CLYBL: variants seen among roughly 807,000 people sequenced by gnomAD.
CLYBL encodes the protein citramalyl-CoA lyase, also known as citramalyl-CoA lyase, mitochondrial.
In CLYBL, 31 loss-of-function variants were observed where a neutral mutation model predicts 38.9. That is an observed-to-expected ratio of 0.80 (90% CI 0.60 to 1.08). The LOEUF (loss-of-function observed/expected upper bound fraction) is 1.08, where lower values mean the gene tolerates loss of function less well. Ranked by LOEUF, CLYBL falls within the 50% of genes least tolerant of loss-of-function variation. The pLI, the probability that CLYBL is intolerant of heterozygous loss-of-function variation, is 0.00. For missense variants in CLYBL, 434 were observed against 411.6 expected (o/e 1.05, Z -0.47); for synonymous variants, 171 against 158.6 (o/e 1.08, Z -0.59).
intron 2 of CLYBL, among the ~76,000 whole-genome samples, chr13:99,781,516 C>T (rs2049653874): frequency 6.6e-6 from 1 of 151,980 alleles, no homozygotes; most frequent in African/African-American, 2.4e-5. Flanking sequence ...TTGCTTGTTG[C>T]CCAGGCTGGA....
chr13:99,770,842 C>T (rs1235374924), intron 1 of CLYBL, among the ~76,000 whole-genome samples: 1 of 152,036 alleles, frequency 6.6e-6, no homozygotes, highest in Non-Finnish European at 1.5e-5. Flanking sequence ...CTGCCTCAGC[C>T]TCCCAAGTGG....
chr13:99,834,139 T>C lies in CLYBL; in HGVS notation c.250-24722T>C, dbSNP rs545875961. Among the ~76,000 whole-genome samples the C allele has an allele frequency of 3.3e-5, 5 of 152,150 alleles. No individual in the cohort carries two copies. In the East Asian group the frequency reaches 7.8e-4, roughly 24 times the overall value. On this transcript the variant is annotated intron_variant, in intron 2 of 8. Transcript: ENST00000339105. ...AAAGCCAGAGTCCCACAGGTAACCT[T>C]CTGGCCAGTGCCTGGTTCACGCAGC...
intron 1 of CLYBL, among the ~76,000 whole-genome samples, chr13:99,642,412 G>GTTATTATTA (rs71118497): frequency 1.3e-5 from 2 of 150,936 alleles, no homozygotes; most frequent in Non-Finnish European, 3.0e-5. Context: ...TATGATTATT[G>GTTATTATTA]TTATTATTAT....
intron 1 of CLYBL, among the ~76,000 whole-genome samples, chr13:99,698,711 T>C (rs2048016550): frequency 6.6e-6 from 1 of 152,208 alleles, no homozygotes; most frequent in South Asian, 2.1e-4. Context: ...CCCTGGAAGA[T>C]GATGAAAGTA....
intron 1 of CLYBL, among the ~76,000 whole-genome samples, chr13:99,730,944 G>A (rs192909085): frequency 1.3e-4 from 20 of 152,048 alleles, no homozygotes; most frequent in South Asian, 2.1e-4. Context: ...TTAGCTGGGC[G>A]TGGTGGCAGA....
At chr13:99,797,207 TGAAA>T (rs1215426598) in intron 2 of CLYBL, among the ~76,000 whole-genome samples, 1 of 152,132 alleles carries the variant, frequency 6.6e-6, no homozygotes, top group African/African-American at 2.4e-5. Context: ...GAGACAGAAA[TGAAA>T]GAACTCAAGT....
chr13:99,660,538 C>T (rs2047394338), intron 1 of CLYBL, among the ~76,000 whole-genome samples: 1 of 152,166 alleles, frequency 6.6e-6, no homozygotes, highest in South Asian at 2.1e-4. Context: ...AGTTTATACT[C>T]CTGTGTTCTC....
At chr13:99,871,095 A>G in intron 7 of CLYBL, 33 bp downstream of exon 7, 1 of 1,610,260 alleles carries the variant, frequency 6.2e-7, no homozygotes, top group South Asian at 1.1e-5. Flanking sequence ...GGGTGAGAGC[A>G]GTATTGAAAA....
At chr13:99,818,446 A>AACACAC (rs57249330) in intron 2 of CLYBL, among the ~76,000 whole-genome samples, 2,192 of 143,304 alleles carry the variant, frequency 0.015, 46 homozygotes, top group African/African-American at 0.048. Flanking sequence ...TGGAGCAGAA[A>AACACAC]ACACACACAC....
downstream of CLYBL, among the ~76,000 whole-genome samples, chr13:99,901,255 C>A (rs765105150): frequency 3.9e-5 from 6 of 152,240 alleles, no homozygotes; most frequent in Non-Finnish European, 8.8e-5. Flanking sequence ...CTGCTAGATT[C>A]TTCCTTCTGC....
At chr13:99,814,651 C>G (rs1159639290) in intron 2 of CLYBL, among the ~76,000 whole-genome samples, 1 of 151,350 alleles carries the variant, frequency 6.6e-6, no homozygotes, top group African/African-American at 2.4e-5. Flanking sequence ...CTGCTTGAAC[C>G]TAGGAGGTCA....
chr13:99,696,432 G>C (rs1179508609), intron 1 of CLYBL, among the ~76,000 whole-genome samples: 1 of 151,940 alleles, frequency 6.6e-6, no homozygotes, highest in Non-Finnish European at 1.5e-5. Flanking sequence ...GTCTCCCTGT[G>C]TTGCCCAGGC....
At chr13:99,609,910 CT>C (rs2046600469) in intron 1 of CLYBL, among the ~76,000 whole-genome samples, 1 of 146,480 alleles carries the variant, frequency 6.8e-6, no homozygotes, top group South Asian at 2.1e-4. Context: ...TCCTTTAGTT[CT>C]TTTTTTCTTT....
intron 3 of CLYBL, among the ~76,000 whole-genome samples, chr13:99,861,232 GGGAGGAGGA>G (rs371949801): frequency 2.0e-5 from 3 of 151,924 alleles, no homozygotes; most frequent in East Asian, 1.9e-4. Flanking sequence ...AAGAAAGAGG[GGGAGGAGGA>G]GGAGGAGGAG....
chr13:99,783,878 A>G (rs538610201), intron 2 of CLYBL: 2 of 52,340 alleles, frequency 3.8e-5, no homozygotes, highest in South Asian at 1.2e-3. Context: ...TCAAGAAAAC[A>G]TAACATTATT....
At chr13:99,809,477 G>A (rs1241912146) in intron 2 of CLYBL, among the ~76,000 whole-genome samples, 4 of 152,234 alleles carry the variant, frequency 2.6e-5, no homozygotes, top group African/African-American at 9.6e-5. Context: ...TAAATGAAGA[G>A]AGGGTTCCCA....
rs1411118172 is a variant in CLYBL at position 99,869,070 on chromosome 13, C to G, written c.803-1868C>G. Among the ~76,000 whole-genome samples the G allele has an allele frequency of 6.6e-6, 1 of 152,110 alleles. No homozygotes were observed. The highest frequency in any genetic ancestry group is 2.4e-5 in the African/African-American group (1 of 41,424). ...AAAATATTTGCCTGGTTCCCACATG[C>G]CATTAAAGTCTGCTATACAGTTGTT... On this transcript the variant is annotated intron_variant, in intron 6 of 8. Coordinates refer to ENST00000339105, the MANE Select transcript of CLYBL (RefSeq NM_206808.5). The surrounding 1 kb of genome is among the most constrained non-coding windows in gnomAD (Gnocchi z 4.3).
At chr13:99,743,881 G>A (rs1333716112) in intron 1 of CLYBL, among the ~76,000 whole-genome samples, 1 of 151,346 alleles carries the variant, frequency 6.6e-6, no homozygotes, top group African/African-American at 2.4e-5. Context: ...TGCTCCTGCA[G>A]TCTAGCGGTA....
At chr13:99,780,042 G>A (rs940532283) in intron 2 of CLYBL, among the ~76,000 whole-genome samples, 4 of 151,766 alleles carry the variant, frequency 2.6e-5, no homozygotes, top group Non-Finnish European at 5.9e-5. Context: ...AATCTTTACC[G>A]ACTTCTATCT....
Sources: allele counts gnomAD v4.1 joint callset (sites outside exome capture counted in the v4.1 genomes callset), GRCh38; gene constraint gnomAD v4.1.1; non-coding constraint Gnocchi (gnomAD v3.1); transcripts MANE v1.5; gene names NCBI Gene and HGNC (gene_info 2026-07-23, HGNC 2026-07-21).